Variants in TMEM170B observed in about 807,000 individuals in gnomAD.
TMEM170B encodes transmembrane protein 170B.
In TMEM170B, 6 loss-of-function variants were observed where a neutral mutation model predicts 13.0. The observed-to-expected ratio is 0.46, with a 90% CI of 0.25 to 0.91. TMEM170B has a LOEUF of 0.91. TMEM170B is among the 40% of genes least tolerant of loss of function. TMEM170B has a pLI of 0.17. For synonymous variants in TMEM170B, 61 were observed against 64.9 expected, an observed-to-expected ratio of 0.94 and a Z score of 0.29; for missense variants, 138 against 165.2, an observed-to-expected ratio of 0.84 and a Z score of 0.90.
intron 1 of TMEM170B, among the ~76,000 whole-genome samples, chr6:11,547,281 G>A (rs181833945): frequency 6.6e-6 from 1 of 152,108 alleles, no homozygotes; most frequent in Non-Finnish European, 1.5e-5. Context: ...ATTCATACTG[G>A]TATAGTCAGC....
Position 11,582,337 on chromosome 6 carries a change from T to C in TMEM170B, c.*6776T>C, listed in dbSNP as rs1195825216. 1 of 152,192 alleles carries C rather than the reference T, an allele frequency of 6.6e-6. No individual in the cohort carries two copies. Among genetic ancestry groups the C allele is most frequent in the Admixed American group, 6.5e-5 (1 of 15,276 alleles). The allele number at this position is 152,192 out of a possible 1,614,324, so 9.4% of individuals were successfully genotyped here. A position where few individuals can be genotyped will look rare whatever the true frequency, so the allele number is the denominator to read the frequency against. ...AGTGCCTTGAAAGTTAAGATACTTG[T>C]GCAAAATGGATTTAGCAAGATTCAG... On this transcript the variant is annotated 3_prime_UTR_variant, in exon 3 of 3. Coordinates refer to ENST00000379426, the MANE Select transcript of TMEM170B (RefSeq NM_001100829.3).
chr6:11,566,107 T>C (rs1024108593), intron 2 of TMEM170B, among the ~76,000 whole-genome samples: 7 of 152,206 alleles, frequency 4.6e-5, no homozygotes, highest in African/African-American at 1.4e-4. Flanking sequence ...GGCAGGTCAA[T>C]GGGAAAATTC....
intron 1 of TMEM170B, among the ~76,000 whole-genome samples, chr6:11,542,925 C>A (rs1165083511): frequency 1.3e-5 from 2 of 152,180 alleles, no homozygotes; most frequent in African/African-American, 4.8e-5. Flanking sequence ...AAAGGAAACT[C>A]AGAGAGGTAA....
intron 2 of TMEM170B, among the ~76,000 whole-genome samples, chr6:11,569,870 G>T (rs1439665148): frequency 2.0e-5 from 3 of 151,264 alleles, no homozygotes; most frequent in South Asian, 2.1e-4. Context: ...TGATTCATTG[G>T]TCTTTTTATC....
chr6:11,556,125 C>CA lies in TMEM170B; in HGVS notation c.98-9540dup, dbSNP rs1291640785. Among the ~76,000 whole-genome samples, 2 of 322 alleles carry CA rather than the reference C, an allele frequency of 6.2e-3. 1 individual carries two copies. The highest frequency in any genetic ancestry group is 6.3e-3 in the African/African-American group (2 of 320). 0.2% of individuals were successfully genotyped at this position (322 alleles called of 152,430 possible). A position where few individuals can be genotyped will look rare whatever the true frequency, so the allele number is the denominator to read the frequency against. ...GAGCCGAGATCGCGCCACTGCACTCCAGCCTGGGCGACAGAGCGAGACTCC... is the reference window on the plus strand; with the variant it reads ...GAGCCGAGATCGCGCCACTGCACTCCAAGCCTGGGCGACAGAGCGAGACTCC... On this transcript the variant is annotated intron_variant, in intron 1 of 2. Coordinates refer to ENST00000379426, the MANE Select transcript of TMEM170B (RefSeq NM_001100829.3).
intron 1 of TMEM170B, among the ~76,000 whole-genome samples, chr6:11,539,092 C>CTATT (rs1759325038): frequency 6.6e-6 from 1 of 152,166 alleles, no homozygotes; most frequent in Non-Finnish European, 1.5e-5. Flanking sequence ...ACATCAATTT[C>CTATT]TATTTGTAAA....
rs987185182 is a variant in TMEM170B, at chr6:11,580,240, C to A, written c.*4679C>A. ...GTTGGTCAGGCTGGTCTCAAACTCC[C>A]GACCTCAAGGGATCCACCCACCTTG... On this transcript the variant is annotated 3_prime_UTR_variant, in exon 3 of 3. Transcript: ENST00000379426. The A allele has an allele frequency of 6.6e-6, 1 of 152,110 alleles. No homozygotes were observed. The highest frequency in any genetic ancestry group is 2.4e-5 in the African/African-American group (1 of 41,386). 9.4% of individuals were successfully genotyped at this position (152,110 alleles called of 1,614,324 possible).
intron 2 of TMEM170B, among the ~76,000 whole-genome samples, chr6:11,572,358 A>C (rs1030976803): frequency 1.4e-4 from 22 of 152,202 alleles, no homozygotes; most frequent in African/African-American, 4.8e-4. Context: ...TTATAGCTGC[A>C]TACAAGGAAT....
intron 1 of TMEM170B, among the ~76,000 whole-genome samples, chr6:11,549,328 A>G (rs1462078747): frequency 2.0e-5 from 3 of 152,192 alleles, no homozygotes; most frequent in Non-Finnish European, 2.9e-5. Context: ...CATGAACAGT[A>G]AAATAATCAT....
intron 2 of TMEM170B, among the ~76,000 whole-genome samples, chr6:11,566,794 G>T (rs1475292342): frequency 7.9e-5 from 12 of 152,222 alleles, no homozygotes; most frequent in African/African-American, 2.7e-4. Context: ...CGCATGCGCG[G>T]TGTCCTCTTT....
chr6:11,575,685 G>C lies in TMEM170B; in HGVS notation c.*124G>C, dbSNP rs1759865634. ...GTGGACTGAGCAGGTCAAAGCATAAGGAAGACCTTGAGCTGTGTGGAAGGA... is the reference window on the plus strand; with the variant it reads ...GTGGACTGAGCAGGTCAAAGCATAACGAAGACCTTGAGCTGTGTGGAAGGA... On this transcript the variant is annotated 3_prime_UTR_variant, in exon 3 of 3. Coordinates refer to ENST00000379426, the MANE Select transcript of TMEM170B (RefSeq NM_001100829.3). This position sits in a 1 kb window ranked among gnomAD's most constrained non-coding sequence, Gnocchi z 4.1. 1 of 1,209,440 alleles carries C rather than the reference G, an allele frequency of 8.3e-7. No homozygotes were observed. The highest frequency in any genetic ancestry group is 1.2e-6 in the Non-Finnish European group (1 of 851,540). 74.9% of individuals were successfully genotyped at this position (1,209,440 alleles called of 1,614,324 possible).
chr6:11,558,749 TACCCCATAGC>T (rs1432170930), intron 1 of TMEM170B, among the ~76,000 whole-genome samples: 1 of 152,310 alleles, frequency 6.6e-6, no homozygotes, highest in African/African-American at 2.4e-5. Flanking sequence ...CAGGGCTGTG[TACCCCATAGC>T]ATCACGTACA....
At chr6:11,555,285 A>G (rs1170417210) in intron 1 of TMEM170B, among the ~76,000 whole-genome samples, 1 of 151,946 alleles carries the variant, frequency 6.6e-6, no homozygotes, top group Non-Finnish European at 1.5e-5. Context: ...TGTTTGTAAT[A>G]TGTCTTTTAA....
At chr6:11,545,179 A>G (rs527793843) in intron 1 of TMEM170B, among the ~76,000 whole-genome samples, 6 of 151,870 alleles carry the variant, frequency 4.0e-5, no homozygotes, top group African/African-American at 1.2e-4. Context: ...GTCAGCAGCA[A>G]ATGTAGGGGC....
intron 1 of TMEM170B, among the ~76,000 whole-genome samples, chr6:11,541,604 C>A (rs1759361430): frequency 6.6e-6 from 1 of 152,140 alleles, no homozygotes; most frequent in Non-Finnish European, 1.5e-5. Context: ...GTTTTGCTTT[C>A]TTATGATTTG....
At chr6:11,553,807 T>C (rs1169019177) in intron 1 of TMEM170B, among the ~76,000 whole-genome samples, 1 of 152,174 alleles carries the variant, frequency 6.6e-6, no homozygotes, top group African/African-American at 2.4e-5. Flanking sequence ...ATTTGTAGAG[T>C]AAGGTTTAGA....
Position 11,582,975 on chromosome 6 carries a change from TATTG to T in TMEM170B, c.*7418_*7421del, listed in dbSNP as rs1429911177. ...CTAACAAGCTGTAAATATTGTATATTATTGATTTTTAATTTTATATAAGCAATTT... is the reference window on the plus strand; with the variant it reads ...CTAACAAGCTGTAAATATTGTATATTATTTTTAATTTTATATAAGCAATTT... On this transcript the variant is annotated 3_prime_UTR_variant, in exon 3 of 3. Coordinates refer to ENST00000379426, the MANE Select transcript of TMEM170B (RefSeq NM_001100829.3). The T allele has an allele frequency of 1.3e-5, 2 of 152,190 alleles. No homozygotes were observed. The highest frequency in any genetic ancestry group is 1.3e-4 in the Admixed American group (2 of 15,288). 9.4% of individuals were successfully genotyped at this position (152,190 alleles called of 1,614,324 possible). A position where few individuals can be genotyped will look rare whatever the true frequency, so the allele number is the denominator to read the frequency against.
chr6:11,576,095 G>T lies in TMEM170B; in HGVS notation c.*534G>T. 6.6e-6 allele frequency: 1 copy of T among 152,410 alleles called. No homozygotes were observed. The highest frequency in any genetic ancestry group is 1.5e-5 in the Non-Finnish European group (1 of 68,146). 9.4% of individuals were successfully genotyped at this position (152,410 alleles called of 1,614,324 possible). A position where few individuals can be genotyped will look rare whatever the true frequency, so the allele number is the denominator to read the frequency against. ...TGTTTAATATGAGAGAAATTATTTG[G>T]TTTTTAATGTTGCGCGTTTCTGGGA... On this transcript the variant is annotated 3_prime_UTR_variant, in exon 3 of 3. Coordinates refer to ENST00000379426, the MANE Select transcript of TMEM170B (RefSeq NM_001100829.3).
At position 11,577,393 on chromosome 6, in the gene TMEM170B, T is replaced by C. The variant is rs556945247; in HGVS notation, c.*1832T>C. 14 of 152,246 alleles carry C rather than the reference T, an allele frequency of 9.2e-5. No individual in the cohort carries two copies. Among genetic ancestry groups the C allele is most frequent in the Admixed American group, 8.5e-4 (13 of 15,286 alleles). 9.4% of individuals were successfully genotyped at this position (152,246 alleles called of 1,614,324 possible). On this transcript the variant is annotated 3_prime_UTR_variant, in exon 3 of 3. Transcript: ENST00000379426. ...TTATATTCCTGATGTTTTTACAAAT[T>C]AAATTTAGGCATAACTTTTCCAAGT...
Sources: allele counts gnomAD v4.1 joint callset (sites outside exome capture counted in the v4.1 genomes callset), GRCh38; gene constraint gnomAD v4.1.1; non-coding constraint Gnocchi (gnomAD v3.1); transcripts MANE v1.5; gene names NCBI Gene and HGNC (gene_info 2026-07-23, HGNC 2026-07-21).